Variants in AUTS2 observed in about 807,000 individuals in gnomAD.
The protein encoded by AUTS2 is activator of transcription and developmental regulator AUTS2, also known as autism susceptibility gene 2 protein.
A neutral mutation model predicts 112.4 loss-of-function variants in AUTS2; 17 were observed. That is an observed-to-expected ratio of 0.15 (90% CI 0.10 to 0.23). The LOEUF (loss-of-function observed/expected upper bound fraction) is 0.23. Ranked by LOEUF, AUTS2 falls within the 10% of genes least tolerant of loss-of-function variation. The pLI, the probability that AUTS2 is intolerant of heterozygous loss-of-function variation, is 1.00. For missense variants in AUTS2, 1,510 were observed against 1,701.6 expected, an observed-to-expected ratio of 0.89 and a Z score of 1.98; for synonymous variants, 751 against 702.7, an observed-to-expected ratio of 1.07 and a Z score of -1.09.
chr7:70,566,089 A>G (rs1801696433), intron 5 of AUTS2, among the ~76,000 whole-genome samples: 1 of 152,198 alleles, frequency 6.6e-6, no homozygotes, highest in East Asian at 1.9e-4. Flanking sequence ...GAAGGTCCAG[A>G]ATATGAAGCA....
intron 4 of AUTS2, among the ~76,000 whole-genome samples, chr7:70,171,031 T>G (rs781505564): frequency 1.1e-4 from 17 of 152,218 alleles, no homozygotes; most frequent in Admixed American, 2.6e-4. Context: ...CACTGAATGA[T>G]AGACGGAAAT....
At chr7:69,915,463 T>A (rs1436072016) in intron 2 of AUTS2, among the ~76,000 whole-genome samples, 1 of 152,182 alleles carries the variant, frequency 6.6e-6, no homozygotes, top group East Asian at 1.9e-4. Context: ...TATTTACAGA[T>A]TATTAAAATC....
chr7:70,485,726 G>A (rs1797967428), intron 5 of AUTS2, among the ~76,000 whole-genome samples: 1 of 152,064 alleles, frequency 6.6e-6, no homozygotes, highest in Admixed American at 6.5e-5. Flanking sequence ...CCTTTCCCTG[G>A]ATTGGCTCCC....
At chr7:70,568,725 C>T (rs1335714712) in intron 5 of AUTS2, among the ~76,000 whole-genome samples, 1 of 152,218 alleles carries the variant, frequency 6.6e-6, no homozygotes, top group Non-Finnish European at 1.5e-5. Flanking sequence ...CCACCATCTC[C>T]ATGTCCACAT....
At chr7:70,769,993 C>T (rs535583645) in intron 10 of AUTS2, among the ~76,000 whole-genome samples, 1 of 152,244 alleles carries the variant, frequency 6.6e-6, no homozygotes, top group East Asian at 1.9e-4. Flanking sequence ...GAAAAGCCCA[C>T]CTGGAGGCAG....
chr7:69,721,601 A>T (rs951127304), intron 1 of AUTS2, among the ~76,000 whole-genome samples: 3 of 152,206 alleles, frequency 2.0e-5, no homozygotes, highest in Admixed American at 2.0e-4. Flanking sequence ...AGAGCTGAGA[A>T]TGAAGAATAC....
At chr7:69,914,296 A>G (rs1215099454) in intron 2 of AUTS2, among the ~76,000 whole-genome samples, 2 of 151,360 alleles carry the variant, frequency 1.3e-5, no homozygotes, top group Non-Finnish European at 2.9e-5. Flanking sequence ...CTCCTGTTAC[A>G]TTCCAACTTT....
At chr7:70,011,064 A>C (rs546128987) in intron 2 of AUTS2, among the ~76,000 whole-genome samples, 41 of 152,272 alleles carry the variant, frequency 2.7e-4, no homozygotes, top group Admixed American at 2.2e-3. Context: ...TTAAAATAGG[A>C]GTTAAGGCTA....
At chr7:70,677,243 C>CG (rs1563120957) in intron 5 of AUTS2, among the ~76,000 whole-genome samples, 1 of 152,160 alleles carries the variant, frequency 6.6e-6, no homozygotes, top group East Asian at 1.9e-4. Context: ...TTTCTTTTCA[C>CG]GCCACGACAT....
At chr7:69,778,695 A>G (rs1037387043) in intron 1 of AUTS2, among the ~76,000 whole-genome samples, 1 of 152,300 alleles carries the variant, frequency 6.6e-6, no homozygotes, top group Admixed American at 6.5e-5. Flanking sequence ...GGAACAAGCC[A>G]GTTGGTTTTC....
At chr7:70,248,799 T>C (rs1215790679) in intron 4 of AUTS2, among the ~76,000 whole-genome samples, 1 of 152,192 alleles carries the variant, frequency 6.6e-6, no homozygotes, top group Non-Finnish European at 1.5e-5. Context: ...AAAGGAAAGA[T>C]AATGATGAAT....
chr7:69,653,211 C>A (rs1048205601), intron 1 of AUTS2, among the ~76,000 whole-genome samples: 6 of 152,148 alleles, frequency 3.9e-5, no homozygotes, highest in African/African-American at 1.4e-4. Context: ...GCCTGTTACT[C>A]TTCTCAGGCC....
intron 1 of AUTS2, among the ~76,000 whole-genome samples, chr7:69,680,424 G>T (rs548363640): frequency 2.6e-5 from 4 of 152,068 alleles, no homozygotes; most frequent in African/African-American, 9.7e-5. Flanking sequence ...TAGCATACAC[G>T]CATTATCATT....
chr7:70,656,910 G>A (rs59323682), intron 5 of AUTS2, among the ~76,000 whole-genome samples: 4,749 of 151,198 alleles, frequency 0.031, 125 homozygotes, highest in East Asian at 0.086. Context: ...AAGGTGTATG[G>A]GTTTATGCTG....
At chr7:69,860,216 A>G (rs1268445860) in intron 1 of AUTS2, among the ~76,000 whole-genome samples, 1 of 151,958 alleles carries the variant, frequency 6.6e-6, no homozygotes, top group African/African-American at 2.4e-5. Flanking sequence ...AGGAAAAGGC[A>G]TTTAACCAAG....
chr7:70,252,640 C>T (rs1786661461), intron 4 of AUTS2, among the ~76,000 whole-genome samples: 1 of 152,024 alleles, frequency 6.6e-6, no homozygotes, highest in Non-Finnish European at 1.5e-5. Context: ...CTTTTGTAGT[C>T]ATATTCAAGA....
intron 2 of AUTS2, among the ~76,000 whole-genome samples, chr7:70,095,354 A>G (rs1309809763): frequency 6.6e-6 from 1 of 152,134 alleles, no homozygotes; most frequent in Non-Finnish European, 1.5e-5. Flanking sequence ...ACACGCATAG[A>G]AGTCTTACAA....
chr7:69,797,580 A>G (rs1485287574), intron 1 of AUTS2, among the ~76,000 whole-genome samples: 1 of 152,234 alleles, frequency 6.6e-6, no homozygotes, highest in East Asian at 1.9e-4. Flanking sequence ...AATAGAAAGG[A>G]AGAGCCTGCG....
intron 4 of AUTS2, among the ~76,000 whole-genome samples, chr7:70,258,585 G>T: frequency 6.6e-6 from 1 of 152,124 alleles, no homozygotes; most frequent in East Asian, 1.9e-4. Context: ...CCTTCACAGG[G>T]TTTCATTTTT....
Sources: gnomAD v4.1 joint callset for allele counts (sites outside exome capture counted in the v4.1 genomes callset) on GRCh38, gnomAD v4.1.1 for gene constraint, MANE v1.5 for transcripts, NCBI Gene and HGNC (gene_info 2026-07-23, HGNC 2026-07-21) for gene names.